KIAA1217: variants seen among roughly 807,000 people sequenced by gnomAD.
KIAA1217 encodes the protein KIAA1217.
In KIAA1217, 88 loss-of-function variants were observed where a neutral mutation model predicts 163.9. The ratio of observed to expected loss-of-function variants is 0.54; its 90% CI spans 0.45 to 0.64. The LOEUF (loss-of-function observed/expected upper bound fraction) is 0.64. Among genes scored for constraint, KIAA1217 ranks in the 30% least tolerant of loss-of-function variants. KIAA1217 has a pLI of 0.00. For synonymous variants in KIAA1217, 903 were observed against 923.1 expected, an observed-to-expected ratio of 0.98 and a Z score of 0.39; for missense variants, 2,372 against 2,475.0, an observed-to-expected ratio of 0.96 and a Z score of 0.88.
chr10:23,719,583 A>T (rs112143007), intron 1 of KIAA1217, among the ~76,000 whole-genome samples: 3,000 of 148,454 alleles, frequency 0.02, 112 homozygotes, highest in African/African-American at 0.07. Flanking sequence ...CCCCTTCTCA[A>T]AAATAAATAA....
chr10:24,544,815 T>G (rs953408692), intron 19 of KIAA1217, among the ~76,000 whole-genome samples, 166 bp from the exon 20 acceptor site: 1 of 152,238 alleles, frequency 6.6e-6, no homozygotes, highest in African/African-American at 2.4e-5. Flanking sequence ...CAGTTGATTC[T>G]GTTTGATTCT....
intron 2 of KIAA1217, among the ~76,000 whole-genome samples, chr10:24,077,789 A>G (rs1259608302): frequency 2.6e-5 from 4 of 152,342 alleles, no homozygotes; most frequent in Non-Finnish European, 5.9e-5. Context: ...GCTAATTGAT[A>G]ATTGATATTC....
rs773302049 is a variant in KIAA1217 at position 24,494,611 on chromosome 10, A to T, written c.1784+7A>T. 7 of 1,557,436 alleles carry T rather than the reference A, an allele frequency of 4.5e-6. No individual in the cohort carries two copies. The African/African-American group carries it at 8.2e-5, about 18-fold the overall frequency. ...ATAGCAAAGATGCGTCTAGGTAAAAAAGAAGAAAGCCAATGAAAAAAATAA... is the reference window on the plus strand; with the variant it reads ...ATAGCAAAGATGCGTCTAGGTAAAATAGAAGAAAGCCAATGAAAAAAATAA... On this transcript the variant is annotated splice_region_variant and intron_variant, in intron 7 of 20. Coordinates refer to ENST00000376454, the MANE Select transcript of KIAA1217 (RefSeq NM_019590.5).
intron 1 of KIAA1217, among the ~76,000 whole-genome samples, chr10:23,858,941 C>G (rs1280503034): frequency 6.6e-6 from 1 of 152,174 alleles, no homozygotes; most frequent in Admixed American, 6.5e-5. Context: ...TCTTTCCTCC[C>G]TCGTAACTTA....
chr10:24,486,859 T>C (rs2133500626), intron 6 of KIAA1217, among the ~76,000 whole-genome samples: 1 of 152,358 alleles, frequency 6.6e-6, no homozygotes, highest in South Asian at 2.1e-4. Flanking sequence ...GTCAGTAGAA[T>C]GTAACCTCCA....
In KIAA1217 at chr10:24,543,618, C is replaced by T; in HGVS notation, c.4348C>T (p.Pro1450Ser). ...ACCAGTGATCATCATTTTCGATGAG[C>T]CCATGGACATCCGGTCTGCCTATAA... is the stretch of plus-strand genomic sequence containing the variant. Reference protein sequence around the residue: ...KKPVIIIFDEPMDIRSAYKRL... With the variant: ...KKPVIIIFDESMDIRSAYKRL... The change falls in exon 19 of 21, where the codon CCC becomes TCC. Residue 1450 changes from proline (P) to serine (S), a missense_variant. Around this residue, in one of 3 missense-constraint regions of KIAA1217, gnomAD observed 690 missense variants for 677.5 expected, o/e 1.02. Coordinates refer to ENST00000376454, the MANE Select transcript of KIAA1217 (RefSeq NM_019590.5). 6.2e-7 allele frequency: 1 copy of T among 1,614,012 alleles called. No individual in the cohort carries two copies. Among genetic ancestry groups the T allele is most frequent in the Non-Finnish European group, 8.5e-7 (1 of 1,180,016 alleles).
At chr10:24,017,308 C>T (rs1176902098) in intron 2 of KIAA1217, among the ~76,000 whole-genome samples, 1 of 152,048 alleles carries the variant, frequency 6.6e-6, no homozygotes, top group Non-Finnish European at 1.5e-5. Flanking sequence ...ACTTCTCCTG[C>T]CTTGGCTTCC....
intron 2 of KIAA1217, among the ~76,000 whole-genome samples, chr10:24,035,807 A>G (rs1434535668): frequency 1.3e-5 from 2 of 152,232 alleles, no homozygotes; most frequent in Non-Finnish European, 2.9e-5. Context: ...GCTGCCAAAA[A>G]AGCGAAGTTG....
At chr10:23,765,972 C>A (rs1032820652) in intron 1 of KIAA1217, among the ~76,000 whole-genome samples, 2 of 152,322 alleles carry the variant, frequency 1.3e-5, no homozygotes, top group East Asian at 3.9e-4. Flanking sequence ...CAGCGTTACT[C>A]AGTAATTTTA....
intron 2 of KIAA1217, among the ~76,000 whole-genome samples, chr10:24,225,384 A>G (rs1222127960): frequency 6.6e-6 from 1 of 152,130 alleles, no homozygotes; most frequent in East Asian, 1.9e-4. Flanking sequence ...TTGACCTCCT[A>G]AAGTGCTGGG....
At chr10:24,042,427 A>G (rs538993007) in intron 2 of KIAA1217, 1 of 152,298 alleles carries the variant, frequency 6.6e-6, no homozygotes, top group East Asian at 1.9e-4. Context: ...AGTGAAGGAA[A>G]TTTGGTCAAA....
chr10:24,097,057 C>T (rs1165941389), intron 2 of KIAA1217, among the ~76,000 whole-genome samples: 1 of 152,120 alleles, frequency 6.6e-6, no homozygotes, highest in Non-Finnish European at 1.5e-5. Flanking sequence ...CATGGAAAGA[C>T]ACTGGGGATT....
At chr10:23,741,693 C>G (rs1363077355) in intron 1 of KIAA1217, among the ~76,000 whole-genome samples, 2 of 152,136 alleles carry the variant, frequency 1.3e-5, no homozygotes, top group Non-Finnish European at 2.9e-5. Flanking sequence ...CAGTGGTATA[C>G]GAGTTGGTGA....
intron 1 of KIAA1217, among the ~76,000 whole-genome samples, chr10:23,769,299 A>G (rs1427649364): frequency 6.6e-6 from 1 of 152,086 alleles, no homozygotes; most frequent in Non-Finnish European, 1.5e-5. Context: ...TATCCATCTG[A>G]GTGGTGCCAG....
intron 2 of KIAA1217, among the ~76,000 whole-genome samples, chr10:24,181,901 G>A (rs771284737): frequency 6.6e-6 from 1 of 152,080 alleles, no homozygotes; most frequent in Non-Finnish European, 1.5e-5. Context: ...CACAGGTTTT[G>A]GAGTACCTAC....
At chr10:24,051,063 C>A (rs1849466057) in intron 2 of KIAA1217, among the ~76,000 whole-genome samples, 1 of 152,100 alleles carries the variant, frequency 6.6e-6, no homozygotes, top group South Asian at 2.1e-4. Flanking sequence ...AGTGTTTTAT[C>A]CTTCACCCAA....
chr10:23,764,819 C>A (rs1019502138), intron 1 of KIAA1217, among the ~76,000 whole-genome samples: 2 of 152,014 alleles, frequency 1.3e-5, no homozygotes, highest in Non-Finnish European at 2.9e-5. Context: ...GGGGTGGGAA[C>A]TTGGAGGATG....
chr10:24,542,771 G>T lies in KIAA1217; in HGVS notation c.3612+1G>T. The T allele has an allele frequency of 6.2e-7, 1 of 1,613,916 alleles. No individual in the cohort carries two copies. On this transcript the variant is annotated splice_donor_variant, in intron 18 of 20. Coordinates refer to ENST00000376454, the MANE Select transcript of KIAA1217 (RefSeq NM_019590.5). LOFTEE classifies it high-confidence loss of function. ...TGGCCCCCAAATGGAATTCCAAAAGGTGAGTTCACCAGATCTGGGTTCCGA... is the reference window on the plus strand; with the variant it reads ...TGGCCCCCAAATGGAATTCCAAAAGTTGAGTTCACCAGATCTGGGTTCCGA...
Position 24,171,126 on chromosome 10 carries a change from G to C in KIAA1217, c.-170-48500G>C, listed in dbSNP as rs779053059. ...GCATCAAGCACTTCATTCACTCAAA[G>C]ACATAATCAGAATTATCTTCAGCCA... On this transcript the variant is annotated intron_variant, in intron 2 of 18. Coordinates refer to the KIAA1217 transcript ENST00000376462. 5.9e-4 allele frequency among the ~76,000 whole-genome samples: 90 copies of C among 152,322 alleles called. 1 individual carries two copies. The highest frequency in any genetic ancestry group is 9.2e-4 in the Admixed American group (14 of 15,298).
Sources: gnomAD v4.1 joint callset for allele counts (sites outside exome capture counted in the v4.1 genomes callset) on GRCh38, gnomAD v4.1.1 for gene constraint, gnomAD v4.1.1 regional missense constraint, MANE v1.5 for transcripts, NCBI Gene and HGNC (gene_info 2026-07-23, HGNC 2026-07-21) for gene names.